The following ADAMTSL1 variants were observed in gnomAD, a reference collection of about 807,000 sequenced individuals.
The protein encoded by ADAMTSL1 is ADAMTS like 1, also known as ADAMTS-like protein 1.
Under a neutral mutation model 201.8 loss-of-function variants are expected in ADAMTSL1, and 126 were observed. The observed-to-expected ratio is 0.62, with a 90% CI of 0.54 to 0.72. The LOEUF is 0.72. Ranked by LOEUF, ADAMTSL1 falls within the 30% of genes least tolerant of loss-of-function variation. The pLI is 0.00. For synonymous variants in ADAMTSL1, 1,121 were observed against 903.4 expected, an observed-to-expected ratio of 1.24 and a Z score of -4.32; for missense variants, 2,679 against 2,277.8, an observed-to-expected ratio of 1.18 and a Z score of -3.59.
intron 20 of ADAMTSL1, 66 bp downstream of exon 20, chr9:18,795,590 C>A: frequency 1.3e-6 from 2 of 1,498,018 alleles, no homozygotes; most frequent in South Asian, 2.6e-5. Context: ...TATAGTGTGT[C>A]AAACAGGCCC....
At chr9:18,717,912 C>T (rs180827079) in intron 14 of ADAMTSL1, 3 of 1,100,736 alleles carry the variant, frequency 2.7e-6, no homozygotes, top group East Asian at 2.3e-5. Flanking sequence ...GGAGTGTTGG[C>T]ACTATTGAAT....
chr9:18,342,659 G>T (rs1445802586), intron 2 of ADAMTSL1, among the ~76,000 whole-genome samples: 1 of 152,120 alleles, frequency 6.6e-6, no homozygotes, highest in African/African-American at 2.4e-5. Context: ...TGGCCATCAT[G>T]GCTAGTGCTG....
intron 1 of ADAMTSL1, among the ~76,000 whole-genome samples, chr9:18,097,345 T>A (rs550375970): frequency 1.9e-4 from 29 of 152,238 alleles, no homozygotes; most frequent in Non-Finnish European, 3.4e-4. Context: ...TTTGGCTATT[T>A]CTGAGATTTT....
intron 1 of ADAMTSL1, among the ~76,000 whole-genome samples, chr9:17,977,875 C>G (rs1296080344): frequency 6.6e-6 from 1 of 151,982 alleles, no homozygotes; most frequent in Non-Finnish European, 1.5e-5. Flanking sequence ...TCCAATGTTT[C>G]CTTGTTGATT....
At chr9:18,797,371 A>G (rs1386046189) in intron 20 of ADAMTSL1, among the ~76,000 whole-genome samples, 2 of 152,368 alleles carry the variant, frequency 1.3e-5, no homozygotes, top group Non-Finnish European at 2.9e-5. Flanking sequence ...CTACACTCAC[A>G]GTGTTAGGTG....
intron 2 of ADAMTSL1, among the ~76,000 whole-genome samples, chr9:18,197,646 C>T (rs557799150): frequency 0.023 from 3,492 of 149,202 alleles, 144 homozygotes; most frequent in African/African-American, 0.081. Context: ...TTGACTTCCT[C>T]TTTTCCTAAT....
At chr9:18,881,371 G>T (rs190776336) in intron 23 of ADAMTSL1, among the ~76,000 whole-genome samples, 73 of 152,292 alleles carry the variant, frequency 4.8e-4, no homozygotes, top group Admixed American at 9.2e-4. Context: ...TGAACACTTA[G>T]ATGCCACTGT....
At chr9:18,829,689 C>G (rs1824851592) in intron 22 of ADAMTSL1, among the ~76,000 whole-genome samples, 154 bp from the exon 23 acceptor site, 2 of 152,130 alleles carry the variant, frequency 1.3e-5, no homozygotes, top group African/African-American at 4.8e-5. Flanking sequence ...ACAGGGACTC[C>G]TCTATAGGAA....
rs886107565 is a variant in ADAMTSL1 at position 18,489,361 on chromosome 9, T to A, written c.63+15066T>A. On this transcript the variant is annotated intron_variant, in intron 1 of 28. Transcript: ENST00000380548. ...CAATGTGAATGCACTTTGTAAATTG[T>A]TAAGTCTATATGTGAGAGGAAGCAT... is the stretch of plus-strand genomic sequence containing the variant. 3.9e-5 allele frequency among the ~76,000 whole-genome samples: 6 copies of A among 152,276 alleles called. No homozygotes were observed. In the East Asian group the frequency reaches 1.2e-3, roughly 29 times the overall value.
At chr9:18,547,608 T>C (rs893274512) in intron 3 of ADAMTSL1, among the ~76,000 whole-genome samples, 6 of 143,070 alleles carry the variant, frequency 4.2e-5, no homozygotes, top group Admixed American at 7.2e-5. Context: ...GGCTCTCTGT[T>C]GTGAAGAGCG....
At chr9:18,840,665 T>C (rs1825658413) in intron 23 of ADAMTSL1, among the ~76,000 whole-genome samples, 1 of 152,318 alleles carries the variant, frequency 6.6e-6, no homozygotes, top group East Asian at 1.9e-4. Flanking sequence ...TTCTTACCCA[T>C]GAGCATGGAA....
At chr9:18,539,927 A>G (rs1820023131) in intron 3 of ADAMTSL1, among the ~76,000 whole-genome samples, 2 of 152,210 alleles carry the variant, frequency 1.3e-5, no homozygotes, top group African/African-American at 4.8e-5. Context: ...AGTACCACAA[A>G]AAACTCACCC....
intron 1 of ADAMTSL1, among the ~76,000 whole-genome samples, chr9:18,007,460 C>T (rs1052726715): frequency 5.3e-5 from 8 of 152,064 alleles, no homozygotes; most frequent in South Asian, 2.1e-4. Context: ...CAAAAACAGA[C>T]GGTATGTTAG....
chr9:18,811,023 AAAAAAAAAAAAAC>A (rs1361027401), intron 20 of ADAMTSL1, among the ~76,000 whole-genome samples: 16 of 149,680 alleles, frequency 1.1e-4, no homozygotes, highest in African/African-American at 3.4e-4. Flanking sequence ...AAAAAAAAAA[AAAAAAAAAAAAAC>A]AAACACCAGC....
intron 1 of ADAMTSL1, among the ~76,000 whole-genome samples, chr9:17,965,543 T>A (rs1401783538): frequency 6.6e-6 from 1 of 152,214 alleles, no homozygotes; most frequent in Non-Finnish European, 1.5e-5. Context: ...CTTATTATTT[T>A]AACTTTATTC....
In ADAMTSL1 at chr9:18,639,383, G is replaced by A. The variant is rs1221145312; in HGVS notation, c.806G>A (p.Gly269Glu). ...FPDKEILRMA[G>E]PLTADFIVKI... ...GACAAAGAGATACTGAGAATGGCTG[G>A]ACCACTCACAGCAGATTTCATTGTC... The change falls in exon 7 of 29, where the codon GGA becomes GAA. Residue 269 changes from glycine (G) to glutamate (E), a missense_variant. By Grantham distance (98) the Gly-to-Glu change is moderately conservative. Coordinates refer to ENST00000380548, the MANE Select transcript of ADAMTSL1 (RefSeq NM_001040272.6). 6.2e-7 allele frequency: 1 copy of A among 1,612,658 alleles called. No individual in the cohort carries two copies. The highest frequency in any genetic ancestry group is 1.3e-5 in the African/African-American group (1 of 74,832).
intron 1 of ADAMTSL1, among the ~76,000 whole-genome samples, chr9:18,031,054 A>G (rs1318664556): frequency 1.3e-5 from 2 of 152,102 alleles, no homozygotes; most frequent in African/African-American, 4.8e-5. Context: ...TCATCTTTTA[A>G]ACTCTTGGAT....
At chr9:18,392,178 C>G (rs1189469969) in intron 2 of ADAMTSL1, among the ~76,000 whole-genome samples, 2 of 152,092 alleles carry the variant, frequency 1.3e-5, no homozygotes, top group Non-Finnish European at 2.9e-5. Context: ...TTATAAATCT[C>G]AGTTTATTTG....
intron 2 of ADAMTSL1, among the ~76,000 whole-genome samples, chr9:18,229,129 C>G (rs1447684621): frequency 6.6e-6 from 1 of 152,044 alleles, no homozygotes; most frequent in Non-Finnish European, 1.5e-5. Flanking sequence ...ATTTTTGCTG[C>G]CAAAAATTAG....
Sources: gnomAD v4.1 joint callset for allele counts (sites outside exome capture counted in the v4.1 genomes callset) on GRCh38, gnomAD v4.1.1 for gene constraint, MANE v1.5 for transcripts, NCBI Gene and HGNC (gene_info 2026-07-23, HGNC 2026-07-21) for gene names.